The following ANO9 variants were observed in gnomAD, a reference collection of about 807,000 sequenced individuals.
ANO9 encodes anoctamin-9.
In ANO9, 80 loss-of-function variants were observed where a neutral mutation model predicts 100.5. That is an observed-to-expected ratio of 0.80 (90% CI 0.66 to 0.96). ANO9 has a LOEUF of 0.96. Ranked by LOEUF, ANO9 falls within the 40% of genes least tolerant of loss-of-function variation. The pLI, the probability that ANO9 is intolerant of heterozygous loss-of-function variation, is 0.00. For missense variants in ANO9, 1,064 were observed against 1,072.7 expected (o/e 0.99, Z 0.11); for synonymous variants, 473 against 435.6 (o/e 1.09, Z -1.07).
intron 3 of ANO9, 95 bp downstream of exon 3, chr11:433,720 C>G: frequency 6.8e-7 from 1 of 1,478,084 alleles, no homozygotes; most frequent in Non-Finnish European, 9.0e-7. Flanking sequence ...CAGCCCTGCC[C>G]CTCGCTGGGC....
intron 15 of ANO9, among the ~76,000 whole-genome samples, chr11:425,671 A>G (rs1302823782): frequency 4.0e-5 from 6 of 151,278 alleles, no homozygotes; most frequent in Non-Finnish European, 2.9e-5. Context: ...ATGATCAGTA[A>G]ATATCTGGAA....
In ANO9 at chr11:433,832, T is replaced by C; in HGVS notation, c.187A>G (p.Lys63Glu). The C allele has an allele frequency of 6.4e-7, 1 of 1,562,430 alleles. No individual in the cohort carries two copies. The highest frequency in any genetic ancestry group is 8.7e-7 in the Non-Finnish European group (1 of 1,153,706). ...CCGCCCACCTTAATGTGGAAGCCCT[T>C]TCTCCTGAGCTCCTCCAGGAACTGT... The part of the protein sequence containing the change: ...QQQFLEELRR[K>E]GFHIKVIRDQ... The change falls in exon 3 of 23, where the codon AAG becomes GAG. Residue 63 changes from lysine (K) to glutamate (E), a missense_variant. Transcript: ENST00000332826.
rs11334527 is a variant in ANO9 at position 422,831 on chromosome 11, ATT to A, written c.1335-1635_1335-1634del. Among the ~76,000 whole-genome samples, 16 of 142,806 alleles carry A rather than the reference ATT, an allele frequency of 1.1e-4. No homozygotes were observed. Among genetic ancestry groups the A allele is most frequent in the African/African-American group, 3.6e-4 (14 of 38,940 alleles). 93.7% of individuals were successfully genotyped at this position (142,806 alleles called of 152,430 possible). ...ACAATCTTAAGCCAAGTCCCACAGAATTTTTTTTTTTTTTTTCAGACAGAGTC... is the reference window on the plus strand; with the variant it reads ...ACAATCTTAAGCCAAGTCCCACAGAATTTTTTTTTTTTTTCAGACAGAGTC... On this transcript the variant is annotated intron_variant, in intron 15 of 22. Coordinates refer to ENST00000332826, the MANE Select transcript of ANO9 (RefSeq NM_001012302.3). The surrounding 1 kb of genome is among the most constrained non-coding windows in gnomAD (Gnocchi z 4.3).
chr11:437,088 T>C (rs7482356), intron 1 of ANO9, among the ~76,000 whole-genome samples: 108,295 of 129,542 alleles, frequency 0.84, 45,759 homozygotes, highest in East Asian at 0.99. Context: ...CTGGGCTCCA[T>C]GTCCCATCAG....
At position 428,816 on chromosome 11, in the gene ANO9, G is replaced by GC. The variant is rs763382421; in HGVS notation, c.925dup (p.Ala309GlyfsTer6). On this transcript the variant is annotated frameshift_variant, in exon 12 of 23. Coordinates refer to ENST00000332826, the MANE Select transcript of ANO9 (RefSeq NM_001012302.3). LOFTEE classifies it high-confidence loss of function. The stretch of plus-strand genomic sequence containing the variant: ...GTCGGGGCAGTTAATGAGCTGAAGT[G>GC]CCATTTCCTCCTGGGGAGAGCACCG... The GC allele has an allele frequency of 6.2e-7, 1 of 1,613,116 alleles. No individual in the cohort carries two copies. The highest frequency in any genetic ancestry group is 8.5e-7 in the Non-Finnish European group (1 of 1,179,906).
intron 1 of ANO9, among the ~76,000 whole-genome samples, chr11:435,472 T>C (rs1172896881): frequency 6.6e-6 from 1 of 151,832 alleles, no homozygotes; most frequent in Non-Finnish European, 1.5e-5. Context: ...TAGTATAGCA[T>C]AGCATAACAT....
rs1848763035 is a variant in ANO9, at chr11:429,646, A to T, written c.839T>A (p.Val280Glu). 3 of 1,612,606 alleles carry T rather than the reference A, an allele frequency of 1.9e-6. No individual in the cohort carries two copies. The highest frequency in any genetic ancestry group is 2.7e-5 in the African/African-American group (2 of 75,042). ...FAIFMALWAT[V>E]FLEIWKRQRA... ...CTGCCGCTTCCAGATCTCCAGGAAC[A>T]CCGTGGCTGCGGCGGGGGCAAGGAG... The change falls in exon 11 of 23, where the codon GTG (valine) becomes GAG (glutamate). Residue 280 changes from valine (V) to glutamate (E), a missense_variant. By Grantham distance (121) the Val-to-Glu change is moderately radical. Transcript: ENST00000332826.
intron 20 of ANO9, 197 bp downstream of exon 20, chr11:419,385 G>T (rs1315756602): frequency 7.7e-6 from 11 of 1,421,606 alleles, no homozygotes; most frequent in East Asian, 7.6e-5. Context: ...GTCCTGGCCA[G>T]TTATCCCTGA....
At chr11:434,166 G>T in intron 1 of ANO9, 68 bp from the exon 2 acceptor site, 3 of 1,516,376 alleles carry the variant, frequency 2.0e-6, no homozygotes, top group African/African-American at 1.4e-5. Flanking sequence ...CTCATTGGCG[G>T]GTCCCTGCAG....
intron 5 of ANO9, 27 bp from the exon 6 acceptor site, chr11:431,933 G>C (rs367994318): frequency 1.2e-6 from 2 of 1,611,674 alleles, no homozygotes; most frequent in Admixed American, 3.3e-5. Flanking sequence ...CACGAGTCAG[G>C]GGGAGTGAGG....
At chr11:441,517 T>C (rs999236376) in intron 1 of ANO9, among the ~76,000 whole-genome samples, 26 of 151,966 alleles carry the variant, frequency 1.7e-4, no homozygotes, top group African/African-American at 6.3e-4. Context: ...CCGCTCCCCC[T>C]TAGGGGCCAG....
chr11:419,975 A>C, intron 19 of ANO9: 2 of 1,391,618 alleles, frequency 1.4e-6, no homozygotes, highest in Non-Finnish European at 1.9e-6. Context: ...ATCTTCCTGA[A>C]CTTCTCAGCT....
intron 1 of ANO9, among the ~76,000 whole-genome samples, chr11:437,610 C>T (rs1845462615): frequency 6.6e-6 from 1 of 152,226 alleles, no homozygotes; most frequent in African/African-American, 2.4e-5. Context: ...AAACCTTCAT[C>T]CTCCGACAGA....
At chr11:420,329 G>T (rs1353282693) in intron 19 of ANO9, 134 bp downstream of exon 19, 2 of 1,468,088 alleles carry the variant, frequency 1.4e-6, no homozygotes, top group Non-Finnish European at 1.8e-6. Flanking sequence ...GAGGCCGTCG[G>T]AGAAGGGCTG....
chr11:439,423 C>T (rs1845665845), intron 1 of ANO9, among the ~76,000 whole-genome samples: 2 of 114,092 alleles, frequency 1.8e-5, no homozygotes, highest in South Asian at 6.6e-4. Flanking sequence ...TGGGGGCAGG[C>T]AGAGGAGATG....
In ANO9 at chr11:429,425, G is replaced by C; in HGVS notation, c.915+145C>G. ...CAGGGACACGCCTCACAGGTGGACAGACCAGGACACACGCCCCACATGTGG... is the reference window on the plus strand; with the variant it reads ...CAGGGACACGCCTCACAGGTGGACACACCAGGACACACGCCCCACATGTGG... On this transcript the variant is annotated intron_variant, in intron 11 of 22. Transcript: ENST00000332826. 9 of 1,483,488 alleles carry C rather than the reference G, an allele frequency of 6.1e-6. No individual in the cohort carries two copies. The South Asian group carries it at 1.1e-4, about 18-fold the overall frequency. The allele number at this position is 1,483,488 out of a possible 1,614,324, so 91.9% of individuals were successfully genotyped here.
At chr11:429,960 C>T (rs535139371) in intron 9 of ANO9, 123 bp downstream of exon 9, 20 of 1,341,008 alleles carry the variant, frequency 1.5e-5, no homozygotes, top group Admixed American at 1.2e-4. Flanking sequence ...TGGGCCTCCC[C>T]GTCAGCCCTG....
In ANO9 at chr11:441,953, G is replaced by A. The variant is rs774658150; in HGVS notation, c.-27C>T. 6.2e-7 allele frequency: 1 copy of A among 1,604,848 alleles called. No individual in the cohort carries two copies. Among genetic ancestry groups the A allele is most frequent in the African/African-American group, 1.3e-5 (1 of 75,014 alleles). On this transcript the variant is annotated 5_prime_UTR_variant, in exon 1 of 23. Transcript: ENST00000332826. ...CTGGCTGTGGCCGGAGTTCCAGCTG[G>A]GGTTTGGCGGCCAGGAGAGTGGCTG...
Position 422,768 on chromosome 11 carries a change from T to C in ANO9, c.1335-1570A>G, listed in dbSNP as rs1461568770. Reference sequence around the variant, plus strand: ...GCCACTAAGCTGTGGTCGTTTGTTATGGTGATTTTCTTGGAAATAATGTAT... The same window carrying C: ...GCCACTAAGCTGTGGTCGTTTGTTACGGTGATTTTCTTGGAAATAATGTAT... On this transcript the variant is annotated intron_variant, in intron 15 of 22. Coordinates refer to ENST00000332826, the MANE Select transcript of ANO9 (RefSeq NM_001012302.3). The surrounding 1 kb of genome is among the most constrained non-coding windows in gnomAD (Gnocchi z 4.3). 6.6e-6 allele frequency among the ~76,000 whole-genome samples: 1 copy of C among 152,174 alleles called. No individual in the cohort carries two copies. The highest frequency in any genetic ancestry group is 1.5e-5 in the Non-Finnish European group (1 of 68,038).
Sources: allele counts gnomAD v4.1 joint callset (sites outside exome capture counted in the v4.1 genomes callset), GRCh38; gene constraint gnomAD v4.1.1; non-coding constraint Gnocchi (gnomAD v3.1); transcripts MANE v1.5; gene names NCBI Gene and HGNC (gene_info 2026-07-23, HGNC 2026-07-21).